Variants in RADIL observed in about 807,000 individuals in gnomAD.
The protein encoded by RADIL is Rap associating with DIL domain.
Under a neutral mutation model 97.6 loss-of-function variants are expected in RADIL, and 99 were observed. The observed-to-expected ratio is 1.01, with a 90% CI of 0.86 to 1.20. RADIL has a LOEUF of 1.20. Ranked by LOEUF, RADIL falls within the 50% of genes most tolerant of loss-of-function variation. RADIL has a pLI of 0.00. For missense variants in RADIL, 1,765 were observed against 1,498.9 expected (o/e 1.18, Z -2.93); for synonymous variants, 803 against 691.8 (o/e 1.16, Z -2.52).
In RADIL at chr7:4,832,188, C is replaced by T. The variant is rs1269357989; in HGVS notation, c.1417-10G>A. The T allele has an allele frequency of 6.2e-7, 1 of 1,610,546 alleles. No homozygotes were observed. On this transcript the variant is annotated splice_polypyrimidine_tract_variant and intron_variant, in intron 4 of 14. Coordinates refer to ENST00000399583, the MANE Select transcript of RADIL (RefSeq NM_018059.5). ...GTTCTTTGGTTTTCTCCTACAATTA[C>T]AAAGCGGGAGAAAAAGCAAGTGAGC... is the stretch of plus-strand genomic sequence containing the variant.
intron 13 of RADIL, 87 bp downstream of exon 13, chr7:4,800,076 AGCCACGTG>A (rs1295282806): frequency 1.4e-6 from 2 of 1,435,178 alleles, no homozygotes; most frequent in Non-Finnish European, 1.9e-6. Flanking sequence ...GCCTTCCTGT[AGCCACGTG>A]GCCACGCAAG....
Position 4,883,692 on chromosome 7 carries a change from C to G in RADIL, c.-161G>C, listed in dbSNP as rs1784531594. 1 of 151,914 alleles carries G rather than the reference C, an allele frequency of 6.6e-6. No homozygotes were observed. The highest frequency in any genetic ancestry group is 1.5e-5 in the Non-Finnish European group (1 of 67,952). The allele number at this position is 151,914 out of a possible 1,614,324, so 9.4% of individuals were successfully genotyped here. On this transcript the variant is annotated 5_prime_UTR_variant, in exon 1 of 15. Coordinates refer to ENST00000399583, the MANE Select transcript of RADIL (RefSeq NM_018059.5). This position sits in a 1 kb window ranked among gnomAD's most constrained non-coding sequence, Gnocchi z 7.1. ...AGACCCGCGCGTGCCGCGGCGCCTC[C>G]TGCCGGCGGCGCAACGGGCGGGGCG... is the stretch of plus-strand genomic sequence containing the variant.
chr7:4,845,973 A>G (rs548244694), intron 2 of RADIL, among the ~76,000 whole-genome samples: 1 of 152,208 alleles, frequency 6.6e-6, no homozygotes, highest in South Asian at 2.1e-4. Context: ...TTCGTTAGAG[A>G]GGGTCACGGT....
intron 1 of RADIL, among the ~76,000 whole-genome samples, chr7:4,881,690 G>C (rs1414498625): frequency 6.7e-6 from 1 of 148,408 alleles, no homozygotes; most frequent in Non-Finnish European, 1.5e-5. Context: ...TCACGCCACT[G>C]CACTCCAGCC....
intron 2 of RADIL, chr7:4,865,873 A>G (rs1784120480): frequency 1.5e-6 from 1 of 662,858 alleles, no homozygotes; most frequent in African/African-American, 1.8e-5. Flanking sequence ...AGACACACAA[A>G]TATTTACCGT....
Position 4,870,514 on chromosome 7 carries a change from T to C in RADIL, c.535+7091A>G, listed in dbSNP as rs998703636. Among the ~76,000 whole-genome samples the C allele has an allele frequency of 2.0e-5, 3 of 152,210 alleles. No individual in the cohort carries two copies. The East Asian group carries it at 5.8e-4, about 29-fold the overall frequency. On this transcript the variant is annotated intron_variant, in intron 2 of 14. Coordinates refer to ENST00000399583, the MANE Select transcript of RADIL (RefSeq NM_018059.5). ...TGGAGTGCAGTGGCACAATCTCAGC[T>C]CATTGCAAGCTCCACCTCCCAGGTT...
At chr7:4,804,197 C>A in intron 10 of RADIL, 1 of 254,680 alleles carries the variant, frequency 3.9e-6, no homozygotes, top group East Asian at 8.1e-5. Flanking sequence ...GGGCTGCTCT[C>A]TGCCCCCAGG....
chr7:4,809,449 G>A (rs1782472000), intron 9 of RADIL: 3 of 985,384 alleles, frequency 3.0e-6, no homozygotes, highest in Non-Finnish European at 3.6e-6. Context: ...CATCTGACAC[G>A]CACAAGCCAA....
At position 4,842,169 on chromosome 7, in the gene RADIL, T is replaced by C. The variant is rs1456168508; in HGVS notation, c.536-5564A>G. 2.0e-5 allele frequency among the ~76,000 whole-genome samples: 3 copies of C among 151,538 alleles called. No individual in the cohort carries two copies. Among genetic ancestry groups the C allele is most frequent in the Non-Finnish European group, 4.4e-5 (3 of 67,900 alleles). ...GTCATGAAATGTCTGCCTTTGACAA[T>C]GGGATAGAAGGAGTAGAAAGTGCAG... On this transcript the variant is annotated intron_variant, in intron 2 of 14. Coordinates refer to ENST00000399583, the MANE Select transcript of RADIL (RefSeq NM_018059.5). The surrounding 1 kb of genome is among the most constrained non-coding windows in gnomAD (Gnocchi z 4.5).
At chr7:4,866,432 T>G (rs1784132527) in intron 2 of RADIL, among the ~76,000 whole-genome samples, 1 of 147,444 alleles carries the variant, frequency 6.8e-6, no homozygotes. Context: ...GTAGCCAAAT[T>G]TTACTTATGA....
chr7:4,860,224 G>C (rs184650923), intron 2 of RADIL: 1,135 of 1,613,980 alleles, frequency 7.0e-4, no homozygotes, highest in Non-Finnish European at 9.0e-4. Context: ...TGTTTTCACA[G>C]CCTGCAGACA....
At chr7:4,852,270 C>T (rs949056751) in intron 2 of RADIL, among the ~76,000 whole-genome samples, 4 of 152,220 alleles carry the variant, frequency 2.6e-5, no homozygotes, top group African/African-American at 9.6e-5. Context: ...AAAGATGACT[C>T]AGAGGATGAA....
intron 2 of RADIL, among the ~76,000 whole-genome samples, chr7:4,875,982 C>A (rs1784369081): frequency 6.6e-6 from 1 of 152,068 alleles, no homozygotes; most frequent in African/African-American, 2.4e-5. Context: ...ATAATTAAAG[C>A]AACCACAAGT....
rs1394265447 is a variant in RADIL at position 4,824,614 on chromosome 7, G to A, written c.1455-2060C>T. On this transcript the variant is annotated intron_variant, in intron 5 of 14. Transcript: ENST00000399583. The surrounding 1 kb of genome is among the most constrained non-coding windows in gnomAD (Gnocchi z 6.7). ...TCCACAAACAATGTTGACCTCTCTC[G>A]CGTGCACACACCCGGGGAGGGAAGA... Among the ~76,000 whole-genome samples the A allele has an allele frequency of 5.3e-5, 8 of 152,152 alleles. No homozygotes were observed. The highest frequency in any genetic ancestry group is 2.1e-4 in the South Asian group (1 of 4,832).
Position 4,873,565 on chromosome 7 carries a change from T to G in RADIL, c.535+4040A>C, listed in dbSNP as rs1784302571. 6.6e-6 allele frequency among the ~76,000 whole-genome samples: 1 copy of G among 152,218 alleles called. No homozygotes were observed. The highest frequency in any genetic ancestry group is 1.5e-5 in the Non-Finnish European group (1 of 68,034). ...GGCGTGCGCTGGACCTCACTGGGCC[T>G]GCCCTGCAGGGGCAGATGTGATCCT... On this transcript the variant is annotated intron_variant, in intron 2 of 14. Transcript: ENST00000399583. This position sits in a 1 kb window ranked among gnomAD's most constrained non-coding sequence, Gnocchi z 4.3.
chr7:4,836,643 C>T lies in RADIL; in HGVS notation c.536-38G>A, dbSNP rs186996303. 5.2e-5 allele frequency: 84 copies of T among 1,601,620 alleles called. 3 individuals are homozygous for T. In the Middle Eastern group the frequency reaches 9.4e-3, roughly 180 times the overall value. ...CAACACAAGGTGAACAGTTAGAAGT[C>T]TCATAGCACCAGGACTGGGCGCGGT... is the stretch of plus-strand genomic sequence containing the variant. On this transcript the variant is annotated intron_variant, in intron 2 of 14. Transcript: ENST00000399583.
At chr7:4,870,590 C>T (rs970149426) in intron 2 of RADIL, among the ~76,000 whole-genome samples, 1 of 152,116 alleles carries the variant, frequency 6.6e-6, no homozygotes, top group African/African-American at 2.4e-5. Context: ...TACAGGTGCC[C>T]ACCACCATGC....
Position 4,803,644 on chromosome 7 carries a change from G to T in RADIL, c.2401C>A (p.Leu801Ile), listed in dbSNP as rs753341166. Residue 801 changes from leucine (L) to isoleucine (I), a missense_variant, in exon 11 of 15, where the codon CTC becomes ATC. By Grantham distance (5) the Leu-to-Ile change is conservative. Transcript: ENST00000399583. ...CCCCACAGAAAGTGGCGGACGTAGA[G>T]CAGGTGCTGGTAGATGCTGTCGTCC... ...CLDDSIYQHL[L>I]YVRHFLWGLR... is the part of the protein sequence containing the mutation. 9.7e-6 allele frequency: 15 copies of T among 1,550,364 alleles called. No individual in the cohort carries two copies. The highest frequency in any genetic ancestry group is 1.2e-5 in the Non-Finnish European group (14 of 1,147,220).
At chr7:4,862,368 G>A (rs888143459) in intron 2 of RADIL, among the ~76,000 whole-genome samples, 3 of 152,196 alleles carry the variant, frequency 2.0e-5, no homozygotes, top group Non-Finnish European at 2.9e-5. Flanking sequence ...AGCAGCTTCT[G>A]TCTTGTTTCT....
Sources: gnomAD v4.1 joint callset for allele counts (sites outside exome capture counted in the v4.1 genomes callset) on GRCh38, gnomAD v4.1.1 for gene constraint, Gnocchi (gnomAD v3.1) non-coding constraint, MANE v1.5 for transcripts, NCBI Gene and HGNC (gene_info 2026-07-23, HGNC 2026-07-21) for gene names.